KLRD1: variants seen among roughly 807,000 people sequenced by gnomAD.
The protein encoded by KLRD1 is natural killer cells antigen CD94.
KLRD1 carries 21 observed loss-of-function variants against 22.6 expected under a neutral mutation model. The observed-to-expected ratio is 0.93, with a 90% confidence interval of 0.66 to 1.34. The LOEUF (loss-of-function observed/expected upper bound fraction) is 1.34. Ranked by LOEUF, KLRD1 falls within the 40% of genes most tolerant of loss-of-function variation. The pLI is 0.00. For missense variants in KLRD1, 183 were observed against 208.6 expected (o/e 0.88, Z 0.76); for synonymous variants, 59 against 71.1 (o/e 0.83, Z 0.85).
chr12:10,301,141 A>C (rs548675859), upstream of KLRD1, among the ~76,000 whole-genome samples: 4 of 152,338 alleles, frequency 2.6e-5, no homozygotes, highest in South Asian at 8.3e-4. Context: ...CTAGGCTTGC[A>C]GCACAATGGC....
At chr12:10,305,950 C>G (rs1949917063), upstream of KLRD1, among the ~76,000 whole-genome samples, 1 of 151,848 alleles carries the variant, frequency 6.6e-6, no homozygotes, top group Non-Finnish European at 1.5e-5. Context: ...ATCACGAGGT[C>G]AGGAGATCGA....
At chr12:10,302,007 C>A (rs1949870503), upstream of KLRD1, among the ~76,000 whole-genome samples, 1 of 152,154 alleles carries the variant, frequency 6.6e-6, no homozygotes, top group African/African-American at 2.4e-5. Context: ...CTAATCGGTT[C>A]ACCATCTTAT....
At chr12:10,270,526 A>G (rs2137642879) in intron 1 of KLRD1, among the ~76,000 whole-genome samples, 1 of 152,296 alleles carries the variant, frequency 6.6e-6, no homozygotes, top group Non-Finnish European at 1.5e-5. Context: ...TTTCACCAAG[A>G]ATATTTAACC....
rs1950260035 is a variant in KLRD1, at chr12:10,317,644, CTTTACCT to C, written c.*2852_*2858del. 1 of 152,360 alleles carries C rather than the reference CTTTACCT, an allele frequency of 6.6e-6. No homozygotes were observed. Among genetic ancestry groups the C allele is most frequent in the East Asian group, 1.9e-4 (1 of 5,190 alleles). The allele number at this position is 152,360 out of a possible 1,614,324, so 9.4% of individuals were successfully genotyped here. A position where few individuals can be genotyped will look rare whatever the true frequency, so the allele number is the denominator to read the frequency against. ...ACTTTTCTTTAATAAATCTGCCTTC[CTTTACCT>C]ACAGCTGTCTTGGTAAATTCTTTTA... is the stretch of plus-strand genomic sequence containing the variant. On this transcript the variant is annotated 3_prime_UTR_variant, in exon 6 of 6. Coordinates refer to ENST00000336164, the MANE Select transcript of KLRD1 (RefSeq NM_002262.5).
At chr12:10,260,007 A>T (rs1339262535) in intron 1 of KLRD1, among the ~76,000 whole-genome samples, 1 of 152,176 alleles carries the variant, frequency 6.6e-6, no homozygotes, top group Non-Finnish European at 1.5e-5. Flanking sequence ...CTTCTAGTGT[A>T]CTTTCTTAAT....
intron 1 of KLRD1, among the ~76,000 whole-genome samples, chr12:10,275,162 T>C (rs1447478799): frequency 6.6e-6 from 1 of 152,214 alleles, no homozygotes; most frequent in African/African-American, 2.4e-5. Flanking sequence ...AATGCTGAGA[T>C]TATAGGCGTG....
intron 1 of KLRD1, among the ~76,000 whole-genome samples, chr12:10,249,407 A>G (rs1949324265): frequency 6.6e-6 from 1 of 152,230 alleles, no homozygotes; most frequent in Non-Finnish European, 1.5e-5. Context: ...TTCAATCCCT[A>G]GAAAAACCTT....
chr12:10,246,258 T>C (rs1189383301), intron 1 of KLRD1, among the ~76,000 whole-genome samples: 1 of 146,114 alleles, frequency 6.8e-6, no homozygotes, highest in Non-Finnish European at 1.5e-5. Context: ...ATTGTGGGGA[T>C]TTTTTTTTCA....
rs1252799389 is a variant in KLRD1, at chr12:10,320,577, A to G, written c.*5784A>G. 6.6e-6 allele frequency: 1 copy of G among 152,226 alleles called. No individual in the cohort carries two copies. Among genetic ancestry groups the G allele is most frequent in the Non-Finnish European group, 1.5e-5 (1 of 68,034 alleles). 9.4% of individuals were successfully genotyped at this position (152,226 alleles called of 1,614,324 possible). A position where few individuals can be genotyped will look rare whatever the true frequency, so the allele number is the denominator to read the frequency against. On this transcript the variant is annotated 3_prime_UTR_variant, in exon 6 of 6. Coordinates refer to ENST00000336164, the MANE Select transcript of KLRD1 (RefSeq NM_002262.5). ...TATATTACAATGCTATAGAACACAC[A>G]TAAGCTAATGGAAGGGCTGTTGAGC...
At chr12:10,292,321 A>G (rs892293214) in intron 1 of KLRD1, among the ~76,000 whole-genome samples, 2 of 152,244 alleles carry the variant, frequency 1.3e-5, no homozygotes, top group African/African-American at 4.8e-5. Flanking sequence ...TTTTGAATTT[A>G]CATTGCCCAG....
intron 1 of KLRD1, among the ~76,000 whole-genome samples, chr12:10,288,793 CT>C (rs1949736592): frequency 6.6e-6 from 1 of 151,932 alleles, no homozygotes; most frequent in Non-Finnish European, 1.5e-5. Context: ...AGCAATAATC[CT>C]TTATAAGACT....
intron 1 of KLRD1, among the ~76,000 whole-genome samples, chr12:10,298,103 T>C (rs34790670): frequency 0.068 from 10,277 of 152,236 alleles, 403 homozygotes; most frequent in East Asian, 0.17. Context: ...TAATAGTACA[T>C]TTCAGGTGCT....
intron 1 of KLRD1, among the ~76,000 whole-genome samples, chr12:10,246,122 T>A (rs1949288589): frequency 6.6e-6 from 1 of 152,236 alleles, no homozygotes; most frequent in African/African-American, 2.4e-5. Flanking sequence ...TTATGTAAAG[T>A]TGAATTTATA....
In KLRD1 at chr12:10,318,660, A is replaced by C. The variant is rs554583590; in HGVS notation, c.*3867A>C. The C allele has an allele frequency of 6.6e-6, 1 of 152,234 alleles. No individual in the cohort carries two copies. Among genetic ancestry groups the C allele is most frequent in the Non-Finnish European group, 1.5e-5 (1 of 68,062 alleles). 9.4% of individuals were successfully genotyped at this position (152,234 alleles called of 1,614,324 possible). ...GGAGATTGAGACCATCCTGGCTAAC[A>C]CGGTGAAACCCCGTGTGTACTACAA... On this transcript the variant is annotated 3_prime_UTR_variant, in exon 6 of 6. Transcript: ENST00000336164.
intron 1 of KLRD1, among the ~76,000 whole-genome samples, chr12:10,263,128 T>C (rs913678162): frequency 1.3e-5 from 2 of 152,040 alleles, no homozygotes; most frequent in African/African-American, 4.8e-5. Context: ...CAGATTGTCA[T>C]TATTTTTATG....
At chr12:10,260,139 CATCT>C in intron 1 of KLRD1, among the ~76,000 whole-genome samples, 4 of 151,094 alleles carry the variant, frequency 2.6e-5, no homozygotes, top group Non-Finnish European at 4.4e-5. Context: ...ATATCATTCC[CATCT>C]GTATAACTAA....
chr12:10,313,085 T>A (rs541360689), intron 4 of KLRD1, among the ~76,000 whole-genome samples: 1 of 152,252 alleles, frequency 6.6e-6, no homozygotes, highest in East Asian at 1.9e-4. Context: ...GATTCCTCCT[T>A]CACAATACCA....
intron 1 of KLRD1, among the ~76,000 whole-genome samples, chr12:10,282,098 G>A (rs932716108): frequency 2.2e-4 from 34 of 151,888 alleles, no homozygotes; most frequent in East Asian, 1.2e-3. Context: ...TACTCTGATC[G>A]TTATATGTCA....
chr12:10,294,168 A>G (rs1390211789), intron 1 of KLRD1, among the ~76,000 whole-genome samples: 12 of 152,210 alleles, frequency 7.9e-5, no homozygotes, highest in Non-Finnish European at 1.8e-4. Flanking sequence ...TTCTCTATAC[A>G]ACGCACCCAA....
Sources: gnomAD v4.1 joint callset for allele counts (sites outside exome capture counted in the v4.1 genomes callset) on GRCh38, gnomAD v4.1.1 for gene constraint, MANE v1.5 for transcripts, NCBI Gene and HGNC (gene_info 2026-07-23, HGNC 2026-07-21) for gene names.